SOX6: variants seen among roughly 807,000 people sequenced by gnomAD.
The protein encoded by SOX6 is SRY-box transcription factor 6.
SOX6 carries 11 observed loss-of-function variants against 97.8 expected under a neutral mutation model. That is an observed-to-expected ratio of 0.11 (90% CI 0.07 to 0.19). The LOEUF is 0.19. Among genes scored for constraint, SOX6 ranks in the 10% least tolerant of loss-of-function variants. The pLI, the probability that SOX6 is intolerant of heterozygous loss-of-function variation, is 1.00. For synonymous variants in SOX6, 360 were observed against 371.4 expected (o/e 0.97, Z 0.35); for missense variants, 810 against 1,039.5 (o/e 0.78, Z 3.04).
intron 3 of SOX6, among the ~76,000 whole-genome samples, chr11:16,677,737 C>G (rs896424419): frequency 1.3e-5 from 2 of 152,042 alleles, no homozygotes; most frequent in Non-Finnish European, 2.9e-5. Context: ...CTCATCTACC[C>G]CCATCATAAA....
intron 4 of SOX6, among the ~76,000 whole-genome samples, chr11:16,551,306 C>T (rs544685451): frequency 6.6e-6 from 1 of 152,180 alleles, no homozygotes; most frequent in South Asian, 2.1e-4. Context: ...GCTGTGGTCA[C>T]GCCACTGTAC....
At chr11:16,133,850 A>C (rs1490362132) in intron 6 of SOX6, among the ~76,000 whole-genome samples, 1 of 152,032 alleles carries the variant, frequency 6.6e-6, no homozygotes, top group Non-Finnish European at 1.5e-5. Flanking sequence ...CACCATGCCC[A>C]GCTAATTTTT....
intron 9 of SOX6, 82 bp downstream of exon 9, chr11:16,095,914 T>TAAAAAAAA (rs5789938): frequency 9.0e-7 from 1 of 1,116,608 alleles, no homozygotes. Context: ...TTTGCCACTT[T>TAAAAAAAA]AAAAAAAAAA....
intron 3 of SOX6, among the ~76,000 whole-genome samples, chr11:16,621,711 G>A (rs538099488): frequency 2.4e-4 from 36 of 152,156 alleles, no homozygotes; most frequent in Non-Finnish European, 5.0e-4. Context: ...CCAAGTTTGT[G>A]GTGTCCTATA....
chr11:16,691,783 A>G (rs1848015138), intron 3 of SOX6, among the ~76,000 whole-genome samples: 1 of 152,194 alleles, frequency 6.6e-6, no homozygotes, highest in Admixed American at 6.5e-5. Flanking sequence ...GGCAACAAGA[A>G]TAAAACCCTG....
chr11:16,192,505 T>C (rs1468510878), intron 4 of SOX6, among the ~76,000 whole-genome samples: 1 of 152,052 alleles, frequency 6.6e-6, no homozygotes. Flanking sequence ...ATTTCCCCCA[T>C]CAAAAGTTTT....
intron 9 of SOX6, among the ~76,000 whole-genome samples, chr11:16,076,183 T>C (rs1848347634): frequency 6.6e-6 from 1 of 152,086 alleles, no homozygotes; most frequent in African/African-American, 2.4e-5. Context: ...GGAAATACCA[T>C]TCTGGACATA....
intron 4 of SOX6, among the ~76,000 whole-genome samples, chr11:16,597,464 T>C (rs1011214970): frequency 4.0e-5 from 6 of 151,860 alleles, no homozygotes; most frequent in Admixed American, 3.3e-4. Context: ...GGAGGTTGCA[T>C]TACTTTTCCA....
At chr11:16,660,338 G>C (rs1332226877) in intron 3 of SOX6, among the ~76,000 whole-genome samples, 1 of 152,006 alleles carries the variant, frequency 6.6e-6, no homozygotes, top group Non-Finnish European at 1.5e-5. Context: ...TTTCTCTTGA[G>C]ACTGATTCTT....
chr11:16,503,872 G>C (rs762689988), intron 4 of SOX6, among the ~76,000 whole-genome samples: 61 of 151,956 alleles, frequency 4.0e-4, no homozygotes, highest in Admixed American at 5.9e-4. Flanking sequence ...GTGAAACTCC[G>C]TCTGTACTAA....
At chr11:16,277,073 G>A (rs536322284) in intron 3 of SOX6, among the ~76,000 whole-genome samples, 8 of 152,182 alleles carry the variant, frequency 5.3e-5, no homozygotes, top group Admixed American at 2.6e-4. Flanking sequence ...CATTGTCACC[G>A]AAGAATCCTT....
At chr11:16,128,774 C>T (rs1162491890) in intron 6 of SOX6, among the ~76,000 whole-genome samples, 3 of 152,052 alleles carry the variant, frequency 2.0e-5, no homozygotes, top group African/African-American at 7.2e-5. Context: ...TGTGACTTGC[C>T]GATGGTGACA....
At chr11:16,701,423 A>G (rs1848092413) in intron 3 of SOX6, among the ~76,000 whole-genome samples, 1 of 152,222 alleles carries the variant, frequency 6.6e-6, no homozygotes. Context: ...AACTATCGTT[A>G]CTATTACACC....
In SOX6 at chr11:15,966,933, C is replaced by G. The variant is rs996074400; in HGVS notation, c.*5876G>C. On this transcript the variant is annotated 3_prime_UTR_variant, in exon 16 of 16. Transcript: ENST00000683767. ...GAGATTTTTTTTATTTTTCCCATTT[C>G]TTTAATCCTTAGCAAACTTTTTATT... 5.3e-5 allele frequency: 8 copies of G among 152,048 alleles called. No homozygotes were observed. The highest frequency in any genetic ancestry group is 1.9e-4 in the African/African-American group (8 of 41,404). 9.4% of individuals were successfully genotyped at this position (152,048 alleles called of 1,614,324 possible).
chr11:16,123,578 C>G (rs1849542918), intron 6 of SOX6, among the ~76,000 whole-genome samples: 1 of 152,026 alleles, frequency 6.6e-6, no homozygotes, highest in Non-Finnish European at 1.5e-5. Flanking sequence ...ATCTTTATCA[C>G]AGTCTCGTCA....
chr11:16,686,999 C>T (rs1324056331), intron 3 of SOX6, among the ~76,000 whole-genome samples: 1 of 151,998 alleles, frequency 6.6e-6, no homozygotes, highest in African/African-American at 2.4e-5. Flanking sequence ...GTGGCACATG[C>T]CTGTAATCCC....
intron 6 of SOX6, among the ~76,000 whole-genome samples, chr11:16,114,959 A>G (rs1473320586): frequency 6.6e-6 from 1 of 152,200 alleles, no homozygotes; most frequent in Non-Finnish European, 1.5e-5. Flanking sequence ...ATAACTAACC[A>G]AACTCTCGGG....
Position 15,984,529 on chromosome 11 carries a change from A to T in SOX6, c.2183+1675T>A, listed in dbSNP as rs573957407. The stretch of plus-strand genomic sequence containing the variant: ...ATTAAAAGAGAATGTTTATCACATA[A>T]TCTTAAAGTGGACTATGAATTAGTA... On this transcript the variant is annotated intron_variant, in intron 15 of 15. Transcript: ENST00000683767. Among the ~76,000 whole-genome samples the T allele has an allele frequency of 7.2e-5, 11 of 152,364 alleles. No homozygotes were observed. In the South Asian group the frequency reaches 2.3e-3, roughly 32 times the overall value.
At chr11:16,637,308 C>A (rs987259385) in intron 3 of SOX6, among the ~76,000 whole-genome samples, 1 of 152,176 alleles carries the variant, frequency 6.6e-6, no homozygotes, top group East Asian at 1.9e-4. Flanking sequence ...GCACCCTCCA[C>A]CTGCTGGGTT....
Sources: gnomAD v4.1 joint callset for allele counts (sites outside exome capture counted in the v4.1 genomes callset) on GRCh38, gnomAD v4.1.1 for gene constraint, MANE v1.5 for transcripts, NCBI Gene and HGNC (gene_info 2026-07-23, HGNC 2026-07-21) for gene names.